The following EXOC6B variants were observed in gnomAD, a reference collection of about 807,000 sequenced individuals.
EXOC6B encodes the protein exocyst complex component 6B.
In EXOC6B, 54 loss-of-function variants were observed where a neutral mutation model predicts 113.5. The ratio of observed to expected loss-of-function variants is 0.48; its 90% CI spans 0.38 to 0.60. EXOC6B has a LOEUF of 0.60. EXOC6B is among the 20% of genes least tolerant of loss of function. EXOC6B has a pLI of 0.00. For missense variants in EXOC6B, 797 were observed against 977.5 expected (o/e 0.82, Z 2.46); for synonymous variants, 357 against 339.0 (o/e 1.05, Z -0.58).
Position 72,642,673 on chromosome 2 carries a change from C to G in EXOC6B, c.670-67005G>C, listed in dbSNP as rs1222050158. On this transcript the variant is annotated intron_variant, in intron 6 of 21. Transcript: ENST00000272427. ...AACCATAAAAACCCTAGAAGAAAACCTAGGCATTACCATTCAGGACATAGG... is the reference window on the plus strand; with the variant it reads ...AACCATAAAAACCCTAGAAGAAAACGTAGGCATTACCATTCAGGACATAGG... 3.8e-4 allele frequency among the ~76,000 whole-genome samples: 56 copies of G among 149,246 alleles called. 5 individuals carry two copies. In the East Asian group the frequency reaches 0.011, roughly 29 times the overall value.
chr2:72,452,111 C>T (rs530078909), intron 18 of EXOC6B, among the ~76,000 whole-genome samples: 1 of 152,076 alleles, frequency 6.6e-6, no homozygotes, highest in Non-Finnish European at 1.5e-5. Context: ...ATATTTTCTT[C>T]CTTTTGAACT....
rs556388954 is a variant in EXOC6B, at chr2:72,623,116, T to TATAGCTTTG, written c.670-47457_670-47449dup. ...AAATACATTTAAGCTATCACTTATG[T>TATAGCTTTG]ATAGCTTTGATGTATGGATATAATA... On this transcript the variant is annotated intron_variant, in intron 6 of 21. Coordinates refer to ENST00000272427, the MANE Select transcript of EXOC6B (RefSeq NM_015189.3). Among the ~76,000 whole-genome samples, 285 of 152,310 alleles carry TATAGCTTTG rather than the reference T, an allele frequency of 1.9e-3. 1 individual carries two copies. Among genetic ancestry groups the TATAGCTTTG allele is most frequent in the African/African-American group, 6.4e-3 (268 of 41,568 alleles).
chr2:72,542,435 T>G (rs1573359219), intron 8 of EXOC6B, among the ~76,000 whole-genome samples: 1 of 152,220 alleles, frequency 6.6e-6, no homozygotes, highest in East Asian at 1.9e-4. Context: ...GTTTCTAGCA[T>G]TTCACCTCTA....
chr2:72,306,571 A>C (rs1404120163), intron 20 of EXOC6B, among the ~76,000 whole-genome samples: 1 of 152,228 alleles, frequency 6.6e-6, no homozygotes, highest in Non-Finnish European at 1.5e-5. Context: ...TTTATTAAAA[A>C]TAGTAACGGT....
intron 20 of EXOC6B, among the ~76,000 whole-genome samples, chr2:72,300,180 T>G (rs918236533): frequency 2.6e-5 from 4 of 152,124 alleles, no homozygotes; most frequent in Non-Finnish European, 5.9e-5. Flanking sequence ...TCTATAAGTC[T>G]CTGACTGGGG....
At chr2:72,707,017 G>A (rs1041759005) in intron 6 of EXOC6B, among the ~76,000 whole-genome samples, 4 of 152,130 alleles carry the variant, frequency 2.6e-5, no homozygotes, top group East Asian at 1.9e-4. Flanking sequence ...CCAGAGTTGT[G>A]AATGAAGGGG....
chr2:72,687,927 C>T (rs933145097), intron 6 of EXOC6B, among the ~76,000 whole-genome samples: 2 of 152,106 alleles, frequency 1.3e-5, no homozygotes, highest in African/African-American at 4.8e-5. Flanking sequence ...TTCCCTCCCC[C>T]ACCACACACA....
At chr2:72,203,394 T>G (rs1034565652) in intron 20 of EXOC6B, among the ~76,000 whole-genome samples, 2 of 152,220 alleles carry the variant, frequency 1.3e-5, no homozygotes, top group Non-Finnish European at 2.9e-5. Context: ...ACCTGACACA[T>G]GTCTGAGCCC....
chr2:72,648,972 T>A (rs1673955572), intron 6 of EXOC6B, among the ~76,000 whole-genome samples: 1 of 152,074 alleles, frequency 6.6e-6, no homozygotes, highest in Non-Finnish European at 1.5e-5. Context: ...GAGACCCCTG[T>A]CTCTACAAAA....
At chr2:72,793,309 C>G (rs1231224592) in intron 1 of EXOC6B, among the ~76,000 whole-genome samples, 2 of 152,194 alleles carry the variant, frequency 1.3e-5, no homozygotes, top group Admixed American at 1.3e-4. Flanking sequence ...GAATCTAACT[C>G]CAGACCCACA....
At chr2:72,257,612 A>G (rs1013648675) in intron 20 of EXOC6B, among the ~76,000 whole-genome samples, 1 of 152,214 alleles carries the variant, frequency 6.6e-6, no homozygotes, top group Non-Finnish European at 1.5e-5. Flanking sequence ...CTTGAATTAC[A>G]TGTCTGTCAG....
chr2:72,523,706 G>A (rs1327367370), intron 8 of EXOC6B, among the ~76,000 whole-genome samples: 2 of 150,172 alleles, frequency 1.3e-5, no homozygotes, highest in African/African-American at 4.9e-5. Context: ...GCGTGAACCC[G>A]GGAGGCGGAG....
chr2:72,379,697 A>T (rs1283152902), intron 19 of EXOC6B, 32 bp downstream of exon 19: 1 of 1,559,264 alleles, frequency 6.4e-7, no homozygotes, highest in Non-Finnish European at 8.7e-7. Context: ...TGCTGGTAAG[A>T]TAAACAAGCA....
chr2:72,730,870 G>T (rs1680595155), intron 5 of EXOC6B, 137 bp downstream of exon 5: 3 of 547,210 alleles, frequency 5.5e-6, no homozygotes, highest in African/African-American at 2.2e-5. Context: ...AATCTAGAAT[G>T]AATCAATAAA....
chr2:72,622,212 T>A (rs1671791092), intron 6 of EXOC6B, among the ~76,000 whole-genome samples: 1 of 150,710 alleles, frequency 6.6e-6, no homozygotes, highest in African/African-American at 2.4e-5. Flanking sequence ...AAATAACATT[T>A]TAAAAAACTG....
At chr2:72,767,989 G>A (rs1163656266) in intron 1 of EXOC6B, among the ~76,000 whole-genome samples, 7 of 148,716 alleles carry the variant, frequency 4.7e-5, no homozygotes, top group Admixed American at 1.3e-4. Flanking sequence ...TAATGTCATG[G>A]GCCTGTAATC....
intron 11 of EXOC6B, among the ~76,000 whole-genome samples, chr2:72,503,775 C>T (rs1700455448): frequency 6.6e-6 from 1 of 152,176 alleles, no homozygotes; most frequent in Non-Finnish European, 1.5e-5. Context: ...GTCAAACTGT[C>T]CTCAAAGCTG....
chr2:72,652,192 A>G (rs1487044865), intron 6 of EXOC6B, among the ~76,000 whole-genome samples: 3 of 148,804 alleles, frequency 2.0e-5, no homozygotes, highest in Non-Finnish European at 4.5e-5. Context: ...ACAAATAAGA[A>G]AAAAAAAAAA....
intron 18 of EXOC6B, among the ~76,000 whole-genome samples, chr2:72,448,312 A>G (rs1278817697): frequency 1.3e-5 from 2 of 152,246 alleles, no homozygotes; most frequent in East Asian, 3.9e-4. Context: ...TGAAGAACAT[A>G]ATTGTCTGTC....
Sources: allele counts gnomAD v4.1 joint callset (sites outside exome capture counted in the v4.1 genomes callset), GRCh38; gene constraint gnomAD v4.1.1; transcripts MANE v1.5; gene names NCBI Gene and HGNC (gene_info 2026-07-23, HGNC 2026-07-21).